PCDH15: variants seen among roughly 807,000 people sequenced by gnomAD.
The protein encoded by PCDH15 is protocadherin-15.
Under a neutral mutation model 178.5 loss-of-function variants are expected in PCDH15, and 129 were observed. The ratio of observed to expected loss-of-function variants is 0.72; its 90% CI spans 0.63 to 0.84. The LOEUF (loss-of-function observed/expected upper bound fraction) is 0.84. Ranked by LOEUF, PCDH15 falls within the 40% of genes least tolerant of loss-of-function variation. The pLI, the probability that PCDH15 is intolerant of heterozygous loss-of-function variation, is 0.00. For missense variants in PCDH15, 2,230 were observed against 2,099.9 expected (o/e 1.06, Z -1.21); for synonymous variants, 800 against 732.0 (o/e 1.09, Z -1.50).
At chr10:55,472,099 T>A (rs552077793) in intron 2 of PCDH15, among the ~76,000 whole-genome samples, 85 of 152,324 alleles carry the variant, frequency 5.6e-4, no homozygotes, top group African/African-American at 1.9e-3. Context: ...TGCTCGTTAG[T>A]ACAACCTACT....
chr10:54,629,468 C>A (rs1782778484), intron 2 of PCDH15, among the ~76,000 whole-genome samples: 1 of 152,046 alleles, frequency 6.6e-6, no homozygotes, highest in Non-Finnish European at 1.5e-5. Flanking sequence ...TTTGATTCAC[C>A]TCATACACAA....
chr10:55,546,325 A>G (rs1272478832), intron 2 of PCDH15, among the ~76,000 whole-genome samples: 1 of 152,158 alleles, frequency 6.6e-6, no homozygotes, highest in Admixed American at 6.6e-5. Flanking sequence ...AATACAGTAT[A>G]TTAGTTGTAC....
At chr10:54,124,983 A>G (rs1359877329) in intron 15 of PCDH15, among the ~76,000 whole-genome samples, 1 of 152,204 alleles carries the variant, frequency 6.6e-6, no homozygotes, top group Non-Finnish European at 1.5e-5. Flanking sequence ...ATTTTTCCTC[A>G]GGGCTAAAAA....
intron 2 of PCDH15, among the ~76,000 whole-genome samples, chr10:54,922,351 C>A (rs1294528921): frequency 6.6e-6 from 1 of 152,100 alleles, no homozygotes; most frequent in South Asian, 2.1e-4. Flanking sequence ...TGGGTAAATG[C>A]TCCTATTCCA....
chr10:55,548,263 C>A (rs1314684242), intron 2 of PCDH15, among the ~76,000 whole-genome samples: 5 of 148,334 alleles, frequency 3.4e-5, no homozygotes, highest in African/African-American at 7.5e-5. Context: ...CAAACATGAT[C>A]CTAATGAACA....
rs116932936 is a variant in PCDH15, at chr10:54,774,512, C to T, written c.-29+26413G>A. Among the ~76,000 whole-genome samples, 848 of 152,210 alleles carry T rather than the reference C, an allele frequency of 5.6e-3. 6 individuals carry two copies. The highest frequency in any genetic ancestry group is 0.014 in the Middle Eastern group (4 of 294). On this transcript the variant is annotated intron_variant, in intron 1 of 37. Coordinates refer to ENST00000644397, the MANE Select transcript of PCDH15 (RefSeq NM_001384140.1). ...ATATACATTTAAAAAAGAATAGACA[C>T]ACACACAAGCACACATACATACAAT...
intron 10 of PCDH15, among the ~76,000 whole-genome samples, chr10:54,196,535 C>T (rs895135466): frequency 5.9e-5 from 9 of 152,070 alleles, no homozygotes; most frequent in South Asian, 2.1e-4. Context: ...TTGAGTGTAC[C>T]GCTGATAAAA....
At chr10:54,517,758 AT>A (rs558627139) in intron 3 of PCDH15, among the ~76,000 whole-genome samples, 3 of 152,074 alleles carry the variant, frequency 2.0e-5, no homozygotes, top group South Asian at 2.1e-4. Flanking sequence ...CAGAATATAC[AT>A]TTTTTTCAGC....
chr10:55,205,463 T>C (rs1376798160), intron 1 of PCDH15, among the ~76,000 whole-genome samples: 1 of 152,066 alleles, frequency 6.6e-6, no homozygotes, highest in Non-Finnish European at 1.5e-5. Flanking sequence ...TATATATGTG[T>C]GTGTTCATAT....
At chr10:54,941,737 T>A (rs1838068669) in intron 2 of PCDH15, among the ~76,000 whole-genome samples, 1 of 152,150 alleles carries the variant, frequency 6.6e-6, no homozygotes, top group Non-Finnish European at 1.5e-5. Context: ...CCCTGCTCTA[T>A]ACTGGAGATT....
At chr10:54,484,314 C>CT (rs1565391981) in intron 3 of PCDH15, among the ~76,000 whole-genome samples, 4 of 151,862 alleles carry the variant, frequency 2.6e-5, no homozygotes, top group South Asian at 2.1e-4. Flanking sequence ...AAGGACATGG[C>CT]TTTTTTTCCC....
At chr10:54,451,674 A>C (rs1398366598) in intron 3 of PCDH15, among the ~76,000 whole-genome samples, 1 of 151,920 alleles carries the variant, frequency 6.6e-6, no homozygotes, top group Non-Finnish European at 1.5e-5. Flanking sequence ...GAATTAATGG[A>C]AATTATACAG....
At chr10:54,891,165 T>A (rs1310207792) in intron 3 of PCDH15, among the ~76,000 whole-genome samples, 1 of 152,088 alleles carries the variant, frequency 6.6e-6, no homozygotes, top group Non-Finnish European at 1.5e-5. Flanking sequence ...TAGGAGTTTT[T>A]TCATGTCTTT....
intron 9 of PCDH15, among the ~76,000 whole-genome samples, chr10:54,236,083 C>A (rs1264415969): frequency 6.6e-6 from 1 of 152,112 alleles, no homozygotes; most frequent in Non-Finnish European, 1.5e-5. Context: ...ATGCTGAACT[C>A]CATTAAAGTT....
chr10:55,233,197 G>C (rs1841276182), intron 1 of PCDH15, among the ~76,000 whole-genome samples: 1 of 152,000 alleles, frequency 6.6e-6, no homozygotes, highest in Non-Finnish European at 1.5e-5. Context: ...CAATTAAATA[G>C]TCTTGGATTA....
rs191796749 is a variant in PCDH15, at chr10:54,603,434, T to A, written c.91+60738A>T. 2.6e-3 allele frequency among the ~76,000 whole-genome samples: 391 copies of A among 152,006 alleles called. 3 individuals are homozygous for A. Among genetic ancestry groups the A allele is most frequent in the African/African-American group, 8.8e-3 (365 of 41,516 alleles). On this transcript the variant is annotated intron_variant, in intron 2 of 37. Coordinates refer to ENST00000644397, the MANE Select transcript of PCDH15 (RefSeq NM_001384140.1). Reference sequence around the variant, plus strand: ...CTTTCTGATAATATTTGGGTTAGTATGTATTTTTTTCTGTCTTTGGCTAGT... The same window carrying A: ...CTTTCTGATAATATTTGGGTTAGTAAGTATTTTTTTCTGTCTTTGGCTAGT...
At chr10:54,167,660 C>A (rs185753792) in intron 13 of PCDH15, among the ~76,000 whole-genome samples, 36 of 151,812 alleles carry the variant, frequency 2.4e-4, no homozygotes, top group African/African-American at 8.2e-4. Flanking sequence ...GGGGCAAGTA[C>A]CCCTCAACCC....
At position 54,691,260 on chromosome 10, in the gene PCDH15, A is replaced by T. The variant is rs1466092556; in HGVS notation, c.-28-26970T>A. 2.0e-5 allele frequency among the ~76,000 whole-genome samples: 3 copies of T among 152,026 alleles called. No individual in the cohort carries two copies. In the South Asian group the frequency reaches 6.2e-4, roughly 32 times the overall value. The stretch of plus-strand genomic sequence containing the variant: ...ACACATAATTTGGCTCACTTAAAAG[A>T]CTTTCTTAATGAGTAGTAATCTACA... On this transcript the variant is annotated intron_variant, in intron 1 of 37. Coordinates refer to ENST00000644397, the MANE Select transcript of PCDH15 (RefSeq NM_001384140.1).
intron 2 of PCDH15, among the ~76,000 whole-genome samples, chr10:55,612,023 C>A (rs993595593): frequency 5.9e-5 from 9 of 151,590 alleles, no homozygotes; most frequent in Admixed American, 1.3e-4. Flanking sequence ...CTGGAGGAGG[C>A]GGGATAGACA....
Sources: gnomAD v4.1 joint callset for allele counts (sites outside exome capture counted in the v4.1 genomes callset) on GRCh38, gnomAD v4.1.1 for gene constraint, MANE v1.5 for transcripts, NCBI Gene and HGNC (gene_info 2026-07-23, HGNC 2026-07-21) for gene names.